The following MICU2 variants were observed in gnomAD, a reference collection of about 807,000 sequenced individuals.
The protein encoded by MICU2 is calcium uptake protein 2, mitochondrial.
Under a neutral mutation model 60.4 loss-of-function variants are expected in MICU2, and 64 were observed. That is an observed-to-expected ratio of 1.06 (90% confidence interval 0.87 to 1.31). The LOEUF is 1.31. MICU2 is among the 50% of genes most tolerant of loss of function. MICU2 has a pLI of 0.00. For missense variants in MICU2, 569 were observed against 531.0 expected, an observed-to-expected ratio of 1.07 and a Z score of -0.70; for synonymous variants, 201 against 175.0, an observed-to-expected ratio of 1.15 and a Z score of -1.17.
intron 8 of MICU2, among the ~76,000 whole-genome samples, chr13:21,508,488 C>T (rs1886349319): frequency 6.6e-6 from 1 of 152,164 alleles, no homozygotes; most frequent in African/African-American, 2.4e-5. Flanking sequence ...CTATCCTTTA[C>T]TCTGCTGCCA....
At position 21,595,579 on chromosome 13, in the gene MICU2, C is replaced by T. The variant is rs1270800798; in HGVS notation, c.210+8360G>A. 2.0e-5 allele frequency among the ~76,000 whole-genome samples: 3 copies of T among 152,256 alleles called. No individual in the cohort carries two copies. The East Asian group carries it at 5.8e-4, about 29-fold the overall frequency. ...GCTGCAGCTATGAGCTGCTCCAGGG[C>T]ACCACCTCTGTGGTAGCTCTAAGCC... On this transcript the variant is annotated intron_variant, in intron 1 of 11. Coordinates refer to ENST00000382374, the MANE Select transcript of MICU2 (RefSeq NM_152726.3).
Position 21,556,768 on chromosome 13 carries a change from AAAT to A in MICU2, c.358+10026_358+10028del, listed in dbSNP as rs571854654. ...TAATTTGCTCAGTCAAAAATAGGTG[AAAT>A]AATATTATAAATGTGAAAAAAGGAT... On this transcript the variant is annotated intron_variant, in intron 2 of 11. Transcript: ENST00000382374. 9.2e-5 allele frequency among the ~76,000 whole-genome samples: 14 copies of A among 152,306 alleles called. No individual in the cohort carries two copies. The South Asian group carries it at 2.9e-3, about 32-fold the overall frequency.
At chr13:21,551,097 C>T (rs1470040275) in intron 2 of MICU2, among the ~76,000 whole-genome samples, 1 of 152,226 alleles carries the variant, frequency 6.6e-6, no homozygotes, top group Non-Finnish European at 1.5e-5. Context: ...GCTCAGCTTC[C>T]ATGGTCAACC....
At chr13:21,574,489 T>A (rs563198009) in intron 1 of MICU2, among the ~76,000 whole-genome samples, 2 of 152,350 alleles carry the variant, frequency 1.3e-5, no homozygotes, top group Non-Finnish European at 2.9e-5. Flanking sequence ...TGACTTCTGT[T>A]AAAACATTTC....
Position 21,514,349 on chromosome 13 carries a change from A to G in MICU2, c.663+4T>C. 6.2e-7 allele frequency: 1 copy of G among 1,608,018 alleles called. No homozygotes were observed. The highest frequency in any genetic ancestry group is 1.1e-5 in the South Asian group (1 of 90,524). Reference sequence around the variant, plus strand: ...TCAATTGTTTGGAAATCATCTGTACATACCTGATATCCAGTTTCATTAGTT... The same window carrying G: ...TCAATTGTTTGGAAATCATCTGTACGTACCTGATATCCAGTTTCATTAGTT... On this transcript the variant is annotated splice_donor_region_variant and intron_variant, in intron 7 of 11. Transcript: ENST00000382374.
At chr13:21,534,044 C>T (rs115497822) in intron 4 of MICU2, among the ~76,000 whole-genome samples, 3,099 of 150,004 alleles carry the variant, frequency 0.021, 91 homozygotes, top group African/African-American at 0.067. Flanking sequence ...GCCAAGATCA[C>T]GCCACTGCGC....
chr13:21,551,344 C>T (rs1234515905), intron 2 of MICU2: 2 of 152,368 alleles, frequency 1.3e-5, no homozygotes, highest in East Asian at 3.8e-4. Context: ...GTCATCCTTG[C>T]ATAGGGGCCA....
chr13:21,506,861 AC>A (rs1332787160), intron 8 of MICU2, among the ~76,000 whole-genome samples: 4 of 152,218 alleles, frequency 2.6e-5, no homozygotes, highest in African/African-American at 9.7e-5. Context: ...CGTCAGTTAA[AC>A]ATGTTATAAC....
chr13:21,554,940 G>A (rs924549376), intron 2 of MICU2, among the ~76,000 whole-genome samples: 5 of 152,072 alleles, frequency 3.3e-5, no homozygotes, highest in African/African-American at 9.7e-5. Context: ...TAAATTCCTC[G>A]ACACATATAC....
rs1238029136 is a variant in MICU2 at position 21,604,029 on chromosome 13, G to A, written c.120C>T (p.Ala40=). 3 of 1,608,032 alleles carry A rather than the reference G, an allele frequency of 1.9e-6. No homozygotes were observed. Among genetic ancestry groups the A allele is most frequent in the Non-Finnish European group, 1.7e-6 (2 of 1,178,016 alleles). The change falls in exon 1 of 12, where the codon GCC becomes GCT. Residue 40 remains alanine, a synonymous_variant. Transcript: ENST00000382374. Reference sequence around the variant, plus strand: ...CTCCTGCTCCTGCCAGGGCCGCGCCGGCCACTGCCGCTGCCAAGGGGCCGG... The same window carrying A: ...CTCCTGCTCCTGCCAGGGCCGCGCCAGCCACTGCCGCTGCCAAGGGGCCGG... The part of the protein sequence containing the change: ...RSPGPLAAAV[A]GAALAGAGAA...
At chr13:21,527,686 T>C (rs1886890641) in intron 4 of MICU2, among the ~76,000 whole-genome samples, 1 of 152,268 alleles carries the variant, frequency 6.6e-6, no homozygotes, top group Non-Finnish European at 1.5e-5. Flanking sequence ...TGGCAATGAT[T>C]CAAAACTGCA....
intron 9 of MICU2, among the ~76,000 whole-genome samples, chr13:21,499,731 C>A (rs1033899699): frequency 6.6e-6 from 1 of 150,934 alleles, no homozygotes; most frequent in Non-Finnish European, 1.5e-5. Flanking sequence ...TTCTGTACAT[C>A]TATCAGAGGC....
At chr13:21,597,767 T>C (rs1888726090) in intron 1 of MICU2, among the ~76,000 whole-genome samples, 1 of 151,654 alleles carries the variant, frequency 6.6e-6, no homozygotes, top group Non-Finnish European at 1.5e-5. Flanking sequence ...CCGTCTCTAC[T>C]AAAAATACAA....
chr13:21,495,373 T>C, intron 10 of MICU2, 55 bp from the exon 11 acceptor site: 1 of 1,369,638 alleles, frequency 7.3e-7, no homozygotes, highest in Admixed American at 2.7e-5. Context: ...CTAAGTGAAA[T>C]TAATCTAAAT....
intron 2 of MICU2, among the ~76,000 whole-genome samples, chr13:21,556,903 G>A (rs1887721455): frequency 6.6e-6 from 1 of 152,290 alleles, no homozygotes; most frequent in African/African-American, 2.4e-5. Flanking sequence ...AGGTGAAGGT[G>A]AGGACTATCA....
At chr13:21,533,163 TC>T (rs1485169656) in intron 4 of MICU2, among the ~76,000 whole-genome samples, 2 of 152,170 alleles carry the variant, frequency 1.3e-5, no homozygotes, top group Admixed American at 6.5e-5. Flanking sequence ...GTTCTTTCTT[TC>T]TTTAGGTAAA....
At chr13:21,582,467 C>T (rs1364479433) in intron 1 of MICU2, among the ~76,000 whole-genome samples, 2 of 152,128 alleles carry the variant, frequency 1.3e-5, no homozygotes, top group Non-Finnish European at 2.9e-5. Flanking sequence ...AAACAAGCAA[C>T]AGCTCTAGCC....
intron 4 of MICU2, among the ~76,000 whole-genome samples, chr13:21,537,417 C>T (rs752610465): frequency 6.6e-6 from 1 of 152,038 alleles, no homozygotes; most frequent in Non-Finnish European, 1.5e-5. Flanking sequence ...CTACTTCAAA[C>T]CTTCTTTCTC....
At chr13:21,548,968 C>G (rs1457502780) in intron 2 of MICU2, among the ~76,000 whole-genome samples, 1 of 146,980 alleles carries the variant, frequency 6.8e-6, no homozygotes, top group South Asian at 2.2e-4. Flanking sequence ...CTTCTGTCAC[C>G]CAGGCTGGAG....
Sources: gnomAD v4.1 joint callset for allele counts (sites outside exome capture counted in the v4.1 genomes callset) on GRCh38, gnomAD v4.1.1 for gene constraint, MANE v1.5 for transcripts, NCBI Gene and HGNC (gene_info 2026-07-23, HGNC 2026-07-21) for gene names.